The following ADAMTS18 variants were observed in gnomAD, a reference collection of about 807,000 sequenced individuals.
ADAMTS18 encodes the protein A disintegrin and metalloproteinase with thrombospondin motifs 18.
Under a neutral mutation model 165.9 loss-of-function variants are expected in ADAMTS18, and 157 were observed. The ratio of observed to expected loss-of-function variants is 0.95; its 90% CI spans 0.83 to 1.08. The LOEUF (loss-of-function observed/expected upper bound fraction) is 1.08. Ranked by LOEUF, ADAMTS18 falls within the 50% of genes least tolerant of loss-of-function variation. The probability of loss-of-function intolerance (pLI) is 0.00; values close to 1 mark genes in which losing one functional copy is unlikely to be tolerated. For missense variants in ADAMTS18, 2,040 were observed against 1,534.0 expected (o/e 1.33, Z -5.51); for synonymous variants, 782 against 578.2 (o/e 1.35, Z -5.06).
intron 3 of ADAMTS18, among the ~76,000 whole-genome samples, chr16:77,405,313 C>A (rs1271507456): frequency 1.3e-5 from 2 of 152,294 alleles, no homozygotes; most frequent in South Asian, 2.1e-4. Context: ...CCTCGAGCAC[C>A]TTTCCATCCC....
At chr16:77,333,453 T>C (rs139192804) in intron 12 of ADAMTS18, among the ~76,000 whole-genome samples, 1,600 of 150,514 alleles carry the variant, frequency 0.011, 29 homozygotes, top group African/African-American at 0.037. Context: ...CACATGTATC[T>C]TGGAACTTAA....
chr16:77,332,250 T>G (rs1291574688), intron 12 of ADAMTS18, among the ~76,000 whole-genome samples: 1 of 152,166 alleles, frequency 6.6e-6, no homozygotes, highest in Non-Finnish European at 1.5e-5. Context: ...ATTAAATCTG[T>G]TTTCCAAGTT....
intron 2 of ADAMTS18, among the ~76,000 whole-genome samples, chr16:77,432,933 T>A (rs1283558820): frequency 6.6e-6 from 1 of 152,224 alleles, no homozygotes; most frequent in Non-Finnish European, 1.5e-5. Context: ...GCTTTCATTT[T>A]TATATTCTTT....
At chr16:77,363,104 A>C (rs547090875) in intron 6 of ADAMTS18, among the ~76,000 whole-genome samples, 2 of 152,328 alleles carry the variant, frequency 1.3e-5, no homozygotes, top group African/African-American at 4.8e-5. Flanking sequence ...GGGGGACTTA[A>C]AAAATAGCCA....
chr16:77,310,747 C>G (rs796850925), intron 16 of ADAMTS18, among the ~76,000 whole-genome samples: 8 of 152,130 alleles, frequency 5.3e-5, no homozygotes, highest in African/African-American at 1.9e-4. Context: ...CCCTCCTCAG[C>G]CTCTGGAATA....
intron 17 of ADAMTS18, 77 bp downstream of exon 17, chr16:77,300,186 A>G: frequency 1.9e-6 from 3 of 1,559,252 alleles, no homozygotes; most frequent in Non-Finnish European, 2.6e-6. Flanking sequence ...AAACCATATT[A>G]TGTTAAAGAC....
Position 77,315,890 on chromosome 16 carries a change from GAATATCT to G in ADAMTS18, c.2532+3952_2532+3958del, listed in dbSNP as rs561656061. On this transcript the variant is annotated intron_variant, in intron 16 of 22. Coordinates refer to ENST00000282849, the MANE Select transcript of ADAMTS18 (RefSeq NM_199355.4). ...AACCGCCTACTTGACAGCTACTCTT[GAATATCT>G]AAGGTACATTGCAAATATATGGTGG... is the stretch of plus-strand genomic sequence containing the variant. Among the ~76,000 whole-genome samples, 75 of 152,272 alleles carry G rather than the reference GAATATCT, an allele frequency of 4.9e-4. No individual in the cohort carries two copies. In the South Asian group the frequency reaches 0.015, roughly 31 times the overall value.
At chr16:77,419,219 T>G (rs2057569758) in intron 3 of ADAMTS18, among the ~76,000 whole-genome samples, 1 of 152,194 alleles carries the variant, frequency 6.6e-6, no homozygotes, top group South Asian at 2.1e-4. Flanking sequence ...GTGACTGTGT[T>G]CCCTGCTTAG....
At chr16:77,296,196 T>G (rs2144580960) in intron 18 of ADAMTS18, among the ~76,000 whole-genome samples, 1 of 152,206 alleles carries the variant, frequency 6.6e-6, no homozygotes, top group African/African-American at 2.4e-5. Flanking sequence ...AGAAGATAAA[T>G]CACATGAAAG....
intron 12 of ADAMTS18, among the ~76,000 whole-genome samples, chr16:77,330,657 C>T (rs6564426): frequency 0.34 from 51,150 of 152,084 alleles, 9,266 homozygotes; most frequent in East Asian, 0.61. Flanking sequence ...CTATTTACCA[C>T]TTACATGGGA....
chr16:77,343,264 T>C (rs371476668), intron 10 of ADAMTS18, among the ~76,000 whole-genome samples: 4 of 152,144 alleles, frequency 2.6e-5, no homozygotes, highest in East Asian at 3.9e-4. Flanking sequence ...AGTAGAGACG[T>C]GGTTTCACCA....
In ADAMTS18 at chr16:77,384,759, T is replaced by C. The variant is rs540583391; in HGVS notation, c.496-17036A>G. Among the ~76,000 whole-genome samples, 39 of 152,258 alleles carry C rather than the reference T, an allele frequency of 2.6e-4. 1 individual carries two copies. The highest frequency in any genetic ancestry group is 3.8e-4 in the Non-Finnish European group (26 of 68,028). On this transcript the variant is annotated intron_variant, in intron 3 of 22. Transcript: ENST00000282849. ...AAATTTAGACAAGAAGAGAAACGTA[T>C]ATAGTAAGCTACATTATCTAACATC...
At position 77,341,729 on chromosome 16, in the gene ADAMTS18, T is replaced by C. The variant is rs1852193538; in HGVS notation, c.1685A>G (p.Glu562Gly). The C allele has an allele frequency of 6.2e-7, 1 of 1,613,852 alleles. No homozygotes were observed. The highest frequency in any genetic ancestry group is 8.5e-7 in the Non-Finnish European group (1 of 1,179,878). Reference sequence around the variant, plus strand: ...CATACTCAAGCCACAAACGGTCCCTTCTGCTGCGGGCATAAACTTGGTCTC... The same window carrying C: ...CATACTCAAGCCACAAACGGTCCCTCCTGCTGCGGGCATAAACTTGGTCTC... Reference protein sequence around the residue: ...RCETKFMPAAEGTVCGLSMWC... With the variant: ...RCETKFMPAAGGTVCGLSMWC... The change falls in exon 11 of 23, where the codon GAA (glutamate) becomes GGA (glycine). Residue 562 changes from glutamate to glycine, a missense_variant. Coordinates refer to ENST00000282849, the MANE Select transcript of ADAMTS18 (RefSeq NM_199355.4).
At chr16:77,401,302 T>C (rs958174456) in intron 3 of ADAMTS18, among the ~76,000 whole-genome samples, 3 of 151,964 alleles carry the variant, frequency 2.0e-5, no homozygotes, top group Admixed American at 1.3e-4. Context: ...GAAACCAAAT[T>C]GTAACATAAA....
chr16:77,321,927 G>A (rs568947485), intron 14 of ADAMTS18, among the ~76,000 whole-genome samples: 16 of 152,090 alleles, frequency 1.1e-4, no homozygotes, highest in African/African-American at 3.1e-4. Context: ...AGGCTGAAGC[G>A]GGCAGATCAC....
intron 3 of ADAMTS18, among the ~76,000 whole-genome samples, chr16:77,385,712 C>T (rs2454936): frequency 0.19 from 29,283 of 152,068 alleles, 3,520 homozygotes; most frequent in Non-Finnish European, 0.28. Flanking sequence ...TGGGCAGGTG[C>T]ACAGTGGAGC....
intron 9 of ADAMTS18, 137 bp from the exon 10 acceptor site, chr16:77,354,023 A>G (rs916446201): frequency 1.1e-5 from 12 of 1,086,334 alleles, no homozygotes; most frequent in Admixed American, 5.3e-5. Flanking sequence ...TAAAGTTCAA[A>G]TCTATGTTTA....
chr16:77,308,170 A>G (rs1442313780), intron 16 of ADAMTS18, among the ~76,000 whole-genome samples: 2 of 152,186 alleles, frequency 1.3e-5, no homozygotes, highest in African/African-American at 4.8e-5. Flanking sequence ...TAGAGAAAAA[A>G]ATTCCTAACA....
chr16:77,340,004 TG>T (rs1480701604), intron 11 of ADAMTS18, among the ~76,000 whole-genome samples: 1 of 152,186 alleles, frequency 6.6e-6, no homozygotes, highest in African/African-American at 2.4e-5. Context: ...ACAACCATCT[TG>T]ATGCATGTAC....
Sources: gnomAD v4.1 joint callset for allele counts (sites outside exome capture counted in the v4.1 genomes callset) on GRCh38, gnomAD v4.1.1 for gene constraint, MANE v1.5 for transcripts, NCBI Gene and HGNC (gene_info 2026-07-23, HGNC 2026-07-21) for gene names.